NRXN3: variants seen among roughly 807,000 people sequenced by gnomAD.
NRXN3 encodes neurexin III.
NRXN3 carries 32 observed loss-of-function variants against 137.6 expected under a neutral mutation model. The ratio of observed to expected loss-of-function variants is 0.23; its 90% confidence interval spans 0.18 to 0.31. NRXN3 has a LOEUF of 0.31. NRXN3 is among the 10% of genes least tolerant of loss of function. NRXN3 has a pLI of 1.00. For synonymous variants in NRXN3, 798 were observed against 784.5 expected (o/e 1.02, Z -0.29); for missense variants, 1,574 against 2,062.5 (o/e 0.76, Z 4.59).
At chr14:79,507,760 T>C (rs1356646776) in intron 16 of NRXN3, among the ~76,000 whole-genome samples, 1 of 152,176 alleles carries the variant, frequency 6.6e-6, no homozygotes, top group East Asian at 1.9e-4. Context: ...ATCTTTCTTT[T>C]GGGATAAAGA....
chr14:79,191,016 G>A (rs1021281934), intron 15 of NRXN3, among the ~76,000 whole-genome samples: 6 of 152,144 alleles, frequency 3.9e-5, no homozygotes, highest in African/African-American at 1.4e-4. Flanking sequence ...CATGGTCACT[G>A]TTTTGCCTTG....
At chr14:78,534,127 C>T (rs1055731885) in intron 4 of NRXN3, among the ~76,000 whole-genome samples, 2 of 152,148 alleles carry the variant, frequency 1.3e-5, no homozygotes, top group Non-Finnish European at 1.5e-5. Context: ...TGTGTAAATA[C>T]TAATTTAAAA....
intron 19 of NRXN3, among the ~76,000 whole-genome samples, chr14:79,793,167 C>G (rs1603504538): frequency 6.6e-6 from 1 of 151,984 alleles, no homozygotes; most frequent in African/African-American, 2.4e-5. Context: ...CGCGGTGGCT[C>G]AAGCCTGTAA....
At chr14:79,666,214 T>C (rs964557174) in intron 17 of NRXN3, among the ~76,000 whole-genome samples, 1 of 152,150 alleles carries the variant, frequency 6.6e-6, no homozygotes, top group African/African-American at 2.4e-5. Flanking sequence ...ATTCTCATTT[T>C]GTACTTTCTC....
Position 79,861,793 on chromosome 14 carries a change from C to T in NRXN3, c.4545C>T (p.Tyr1515=), listed in dbSNP as rs779505235. Residue 1515 remains tyrosine, a synonymous_variant, in exon 21 of 21, where the codon TAC becomes TAT. Transcript: ENST00000335750. This position sits in a 1 kb window ranked among gnomAD's most constrained non-coding sequence, Gnocchi z 5.4. The part of the protein sequence containing the change: ...AAALCILILL[Y]AMYKYRNRDE... ...CCCTCTGCATCTTGATCCTCCTGTACGCCATGTACAAGTACAGGAACAGGG... is the reference window on the plus strand; with the variant it reads ...CCCTCTGCATCTTGATCCTCCTGTATGCCATGTACAAGTACAGGAACAGGG... 2.5e-6 allele frequency: 4 copies of T among 1,613,952 alleles called. No homozygotes were observed. The highest frequency in any genetic ancestry group is 3.3e-5 in the Admixed American group (2 of 59,992).
At chr14:78,612,860 G>A in intron 4 of NRXN3, among the ~76,000 whole-genome samples, 1 of 151,722 alleles carries the variant, frequency 6.6e-6, no homozygotes, top group African/African-American at 2.4e-5. Context: ...CTGTGGTGGT[G>A]AGAAAGCTAA....
At chr14:79,586,992 C>T (rs2097769385) in intron 16 of NRXN3, among the ~76,000 whole-genome samples, 1 of 152,114 alleles carries the variant, frequency 6.6e-6, no homozygotes, top group Non-Finnish European at 1.5e-5. Flanking sequence ...ACTGAGAGCT[C>T]CTACTCTTGT....
intron 15 of NRXN3, among the ~76,000 whole-genome samples, chr14:79,150,840 A>G (rs1274339043): frequency 6.6e-6 from 1 of 152,130 alleles, no homozygotes; most frequent in Non-Finnish European, 1.5e-5. Flanking sequence ...ACCAATGGTC[A>G]CTTAAATGAA....
At chr14:79,606,997 T>C (rs979536484) in intron 16 of NRXN3, among the ~76,000 whole-genome samples, 9 of 152,244 alleles carry the variant, frequency 5.9e-5, no homozygotes, top group Non-Finnish European at 8.8e-5. Context: ...GGGTAAATAT[T>C]GTTCATGAAA....
intron 4 of NRXN3, among the ~76,000 whole-genome samples, chr14:78,488,883 G>A (rs1410160725): frequency 6.6e-6 from 1 of 150,736 alleles, no homozygotes; most frequent in African/African-American, 2.4e-5. Flanking sequence ...GGAGAAGGGG[G>A]TGGAGGAAAG....
chr14:79,414,641 A>G (rs2095470626), intron 15 of NRXN3, among the ~76,000 whole-genome samples: 1 of 152,180 alleles, frequency 6.6e-6, no homozygotes, highest in Admixed American at 6.6e-5. Context: ...TATACATTGT[A>G]AAATGATTAC....
chr14:78,563,554 G>A (rs571321808), intron 4 of NRXN3, among the ~76,000 whole-genome samples: 8 of 152,316 alleles, frequency 5.3e-5, no homozygotes, highest in Admixed American at 3.9e-4. Context: ...CTTGCTGGGC[G>A]TTAAGCACAG....
intron 10 of NRXN3, among the ~76,000 whole-genome samples, chr14:78,823,547 C>T (rs2098957274): frequency 6.6e-6 from 1 of 152,182 alleles, no homozygotes; most frequent in Admixed American, 6.5e-5. Flanking sequence ...CAGTTATATG[C>T]TGTAAACAAA....
At chr14:78,561,474 G>T (rs1379401983) in intron 4 of NRXN3, among the ~76,000 whole-genome samples, 1 of 152,138 alleles carries the variant, frequency 6.6e-6, no homozygotes, top group Non-Finnish European at 1.5e-5. Context: ...TCTTAAAAAT[G>T]TAAGTATCTC....
At chr14:78,282,071 T>C (rs952429670) in intron 3 of NRXN3, 28 of 468,714 alleles carry the variant, frequency 6.0e-5, no homozygotes, top group African/African-American at 5.1e-4. Flanking sequence ...GTCCAAGGAG[T>C]GCAAACTGAG....
At chr14:79,056,517 C>G (rs911108099) in intron 15 of NRXN3, among the ~76,000 whole-genome samples, 1 of 151,980 alleles carries the variant, frequency 6.6e-6, no homozygotes, top group African/African-American at 2.4e-5. Flanking sequence ...AAACAAAGAG[C>G]TATGGAAATT....
At chr14:78,369,192 G>A (rs190449767) in intron 4 of NRXN3, among the ~76,000 whole-genome samples, 1 of 151,962 alleles carries the variant, frequency 6.6e-6, no homozygotes, top group East Asian at 1.9e-4. Context: ...TTTTATAAAT[G>A]AGAAAAATAA....
chr14:79,728,196 G>C (rs2098903657), intron 19 of NRXN3, among the ~76,000 whole-genome samples: 2 of 152,170 alleles, frequency 1.3e-5, no homozygotes, highest in Admixed American at 1.3e-4. Context: ...ACCTGGAACA[G>C]TCTGATTTTT....
At chr14:78,753,180 A>T (rs1385370326) in intron 8 of NRXN3, among the ~76,000 whole-genome samples, 1 of 152,224 alleles carries the variant, frequency 6.6e-6, no homozygotes, top group Non-Finnish European at 1.5e-5. Context: ...ACTGAATATG[A>T]AAACATGGAT....
Sources: gnomAD v4.1 joint callset for allele counts (sites outside exome capture counted in the v4.1 genomes callset) on GRCh38, gnomAD v4.1.1 for gene constraint, Gnocchi (gnomAD v3.1) non-coding constraint, MANE v1.5 for transcripts, NCBI Gene and HGNC (gene_info 2026-07-23, HGNC 2026-07-21) for gene names.